The following PTPRS variants were observed in gnomAD, a reference collection of about 807,000 sequenced individuals.
The protein encoded by PTPRS is protein tyrosine phosphatase receptor type S.
Under a neutral mutation model 215.3 loss-of-function variants are expected in PTPRS, and 63 were observed. That is an observed-to-expected ratio of 0.29 (90% CI 0.24 to 0.36). The LOEUF is 0.36. PTPRS is among the 10% of genes least tolerant of loss of function. PTPRS has a pLI of 1.00. For missense variants in PTPRS, 2,258 were observed against 2,825.8 expected (o/e 0.80, Z 4.56); for synonymous variants, 1,404 against 1,191.4 (o/e 1.18, Z -3.68).
At position 5,244,274 on chromosome 19, in the gene PTPRS, C is replaced by G; in HGVS notation, c.1197G>C (p.Glu399Asp). 1 of 1,614,202 alleles carries G rather than the reference C, an allele frequency of 6.2e-7. No individual in the cohort carries two copies. Reference protein sequence around the residue: ...IGGLSPNSEYEIWVSAVNSIG... With the variant: ...IGGLSPNSEYDIWVSAVNSIG... The stretch of plus-strand genomic sequence containing the variant: ...TGGAGTTGACGGCCGACACCCAGAT[C>G]TCGTACTCCGAGTTGGGGCTCAGGC... Residue 399 changes from glutamate to aspartate, a missense_variant, in exon 11 of 38, where the codon GAG (glutamate) becomes GAC (aspartate). By Grantham distance (45) the Glu-to-Asp change is conservative. Transcript: ENST00000262963. This position sits in a 1 kb window ranked among gnomAD's most constrained non-coding sequence, Gnocchi z 7.2.
chr19:5,291,587 T>C (rs2048822183), intron 1 of PTPRS, among the ~76,000 whole-genome samples: 1 of 152,094 alleles, frequency 6.6e-6, no homozygotes, highest in South Asian at 2.1e-4. Context: ...ATCCATCGTC[T>C]TCCCTACCCC....
chr19:5,218,358 C>T lies in PTPRS; in HGVS notation c.4048+62G>A, dbSNP rs997152866. ...TGAGGGGCCCCCAGGGTGGCAGCTA[C>T]TGCTTCTCCCCAGCTATCTCCCCTG... On this transcript the variant is annotated intron_variant, in intron 25 of 37. Transcript: ENST00000262963. 4 of 1,492,902 alleles carry T rather than the reference C, an allele frequency of 2.7e-6. No homozygotes were observed. The South Asian group carries it at 4.9e-5, about 18-fold the overall frequency. The allele number at this position is 1,492,902 out of a possible 1,614,324, so 92.5% of individuals were successfully genotyped here.
At chr19:5,249,496 G>T (rs1471103128) in intron 9 of PTPRS, among the ~76,000 whole-genome samples, 1 of 152,198 alleles carries the variant, frequency 6.6e-6, no homozygotes, top group African/African-American at 2.4e-5. Flanking sequence ...TCACAGAAAG[G>T]AAGTAGTGTA....
chr19:5,286,237 G>A lies in PTPRS; in HGVS notation c.-94-3C>T, dbSNP rs1335989259. ...CCGAGCGTCAGATGGGGCAACGTCT[G>A]CAGAGACAATGGAGGGCTGTGAGAG... is the stretch of plus-strand genomic sequence containing the variant. On this transcript the variant is annotated splice_polypyrimidine_tract_variant and splice_region_variant and intron_variant, in intron 1 of 37. Coordinates refer to ENST00000262963, the MANE Select transcript of PTPRS (RefSeq NM_002850.4). 1 of 1,361,578 alleles carries A rather than the reference G, an allele frequency of 7.3e-7. No individual in the cohort carries two copies. The highest frequency in any genetic ancestry group is 1.0e-6 in the Non-Finnish European group (1 of 976,058). 84.3% of individuals were successfully genotyped at this position (1,361,578 alleles called of 1,614,324 possible). A position where few individuals can be genotyped will look rare whatever the true frequency, so the allele number is the denominator to read the frequency against.
intron 13 of PTPRS, among the ~76,000 whole-genome samples, chr19:5,232,128 C>T (rs935432122): frequency 1.3e-4 from 19 of 150,626 alleles, no homozygotes; most frequent in African/African-American, 4.6e-4. Flanking sequence ...GGAACGGCAA[C>T]AGAAGCTCCA....
chr19:5,219,604 C>A, intron 22 of PTPRS, 137 bp from the exon 23 acceptor site: 1 of 1,112,578 alleles, frequency 9.0e-7, no homozygotes, highest in African/African-American at 1.6e-5. Context: ...CCCTGGTGGC[C>A]TATGTGACCT....
At chr19:5,260,869 T>TCA (rs1568502820) in intron 6 of PTPRS, 47 bp from the exon 7 acceptor site, 6 of 184,662 alleles carry the variant, frequency 3.2e-5, no homozygotes, top group East Asian at 4.5e-4. Context: ...AAGGCGGTTG[T>TCA]TGGGGGGCCG....
chr19:5,236,106 G>A (rs1462557478), intron 13 of PTPRS, among the ~76,000 whole-genome samples: 2 of 152,156 alleles, frequency 1.3e-5, no homozygotes, highest in African/African-American at 2.4e-5. Context: ...CCGCGTCAAC[G>A]GTGGGGAAAC....
chr19:5,268,189 AT>A (rs753974873), intron 4 of PTPRS, among the ~76,000 whole-genome samples: 6,006 of 62,536 alleles, frequency 0.096, 145 homozygotes, highest in Middle Eastern at 0.22. Flanking sequence ...AAATAAATAA[AT>A]TAATTAATTA....
intron 11 of PTPRS, among the ~76,000 whole-genome samples, chr19:5,240,788 G>C (rs1043607067): frequency 1.3e-5 from 2 of 151,138 alleles, no homozygotes; most frequent in Non-Finnish European, 2.9e-5. Flanking sequence ...GCAGTCAGCG[G>C]AGATCGCGCC....
chr19:5,257,127 C>T lies in PTPRS; in HGVS notation c.706+890G>A, dbSNP rs1418527268. On this transcript the variant is annotated intron_variant, in intron 8 of 37. Coordinates refer to ENST00000262963, the MANE Select transcript of PTPRS (RefSeq NM_002850.4). This position sits in a 1 kb window ranked among gnomAD's most constrained non-coding sequence, Gnocchi z 4.4. Reference sequence around the variant, plus strand: ...GGAAGACTACAACTTCTGAAAAGACCCAAGAGCCAACACACGAGATAAGAG... The same window carrying T: ...GGAAGACTACAACTTCTGAAAAGACTCAAGAGCCAACACACGAGATAAGAG... Among the ~76,000 whole-genome samples the T allele has an allele frequency of 6.7e-6, 1 of 149,138 alleles. No individual in the cohort carries two copies. The highest frequency in any genetic ancestry group is 1.5e-5 in the Non-Finnish European group (1 of 67,248).
chr19:5,330,025 C>T (rs1286882930), intron 1 of PTPRS, among the ~76,000 whole-genome samples: 3 of 144,530 alleles, frequency 2.1e-5, no homozygotes, highest in South Asian at 2.2e-4. Flanking sequence ...TGCCGTGAGC[C>T]GAGATCACGC....
chr19:5,231,401 C>T lies in PTPRS; in HGVS notation c.2064G>A (p.Lys688=). Residue 688 remains lysine (K), a synonymous_variant, in exon 14 of 38, where the codon AAG becomes AAA. Coordinates refer to ENST00000262963, the MANE Select transcript of PTPRS (RefSeq NM_002850.4). The part of the protein sequence containing the change: ...TTQILLEALE[K]WTQYRITTVA... The stretch of plus-strand genomic sequence containing the variant: ...CAGTCGTGATGCGGTACTGGGTCCA[C>T]TTCTCCAAGGCCTCCAGCAGGATCT... 1 of 1,613,214 alleles carries T rather than the reference C, an allele frequency of 6.2e-7. No individual in the cohort carries two copies. The highest frequency in any genetic ancestry group is 1.1e-5 in the South Asian group (1 of 91,062).
chr19:5,293,964 C>A lies in PTPRS; in HGVS notation c.-94-7730G>T, dbSNP rs766662941. ...AGAGGGAGGGGCAGACCTGTCCGGGCGGCCAATCCGAGCCAGCGTTGCGCC... is the reference window on the plus strand; with the variant it reads ...AGAGGGAGGGGCAGACCTGTCCGGGAGGCCAATCCGAGCCAGCGTTGCGCC... On this transcript the variant is annotated intron_variant, in intron 1 of 37. Coordinates refer to ENST00000262963, the MANE Select transcript of PTPRS (RefSeq NM_002850.4). This position sits in a 1 kb window ranked among gnomAD's most constrained non-coding sequence, Gnocchi z 8.4. Among the ~76,000 whole-genome samples, 10 of 152,154 alleles carry A rather than the reference C, an allele frequency of 6.6e-5. No individual in the cohort carries two copies. Among genetic ancestry groups the A allele is most frequent in the Admixed American group, 1.3e-4 (2 of 15,274 alleles).
At chr19:5,226,447 G>A (rs781208509) in intron 16 of PTPRS, among the ~76,000 whole-genome samples, 3 of 152,138 alleles carry the variant, frequency 2.0e-5, no homozygotes, top group Non-Finnish European at 4.4e-5. Context: ...TAAACTGTAC[G>A]AGGCTGGGCG....
chr19:5,292,544 G>C (rs546886028), intron 1 of PTPRS, among the ~76,000 whole-genome samples: 1 of 152,338 alleles, frequency 6.6e-6, no homozygotes, highest in East Asian at 1.9e-4. Context: ...CGTCTCAGAA[G>C]ACAACACCAC....
At chr19:5,279,427 G>A (rs926803403) in intron 2 of PTPRS, among the ~76,000 whole-genome samples, 6 of 150,808 alleles carry the variant, frequency 4.0e-5, no homozygotes, top group Non-Finnish European at 7.4e-5. Flanking sequence ...GCTGGAGTGC[G>A]GTGGTGCAAT....
chr19:5,219,011 A>G, intron 23 of PTPRS: 1 of 635,726 alleles, frequency 1.6e-6, no homozygotes, highest in South Asian at 2.0e-5. Context: ...GATGTGCCCC[A>G]TGGGGCCACT....
At chr19:5,296,515 A>G (rs1370082346) in intron 1 of PTPRS, among the ~76,000 whole-genome samples, 1 of 152,080 alleles carries the variant, frequency 6.6e-6, no homozygotes, top group Non-Finnish European at 1.5e-5. Flanking sequence ...AAAATGTAAA[A>G]TAAAATAAAC....
Sources: gnomAD v4.1 joint callset for allele counts (sites outside exome capture counted in the v4.1 genomes callset) on GRCh38, gnomAD v4.1.1 for gene constraint, Gnocchi (gnomAD v3.1) non-coding constraint, MANE v1.5 for transcripts, NCBI Gene and HGNC (gene_info 2026-07-23, HGNC 2026-07-21) for gene names.